Variants in PDZD8 observed in about 807,000 individuals in gnomAD.
PDZD8 encodes the protein PDZ domain containing 8, also known as PDZ domain-containing protein 8.
A neutral mutation model predicts 85.8 loss-of-function variants in PDZD8; 14 were observed. That is an observed-to-expected ratio of 0.16 (90% CI 0.11 to 0.26). The LOEUF is 0.26. PDZD8 is among the 10% of genes least tolerant of loss of function. The probability of loss-of-function intolerance (pLI) is 1.00; values close to 1 mark genes in which losing one functional copy is unlikely to be tolerated. For synonymous variants in PDZD8, 592 were observed against 568.6 expected, an observed-to-expected ratio of 1.04 and a Z score of -0.59; for missense variants, 1,197 against 1,424.3, an observed-to-expected ratio of 0.84 and a Z score of 2.57.
chr10:117,285,330 T>C lies in PDZD8; in HGVS notation c.1403A>G (p.Asn468Ser). 6.2e-7 allele frequency: 1 copy of C among 1,614,080 alleles called. No homozygotes were observed. Among genetic ancestry groups the C allele is most frequent in the Non-Finnish European group, 8.5e-7 (1 of 1,180,018 alleles). ...CGATTGGCATGAGCTTGACAAAAAG[T>C]TTTCTTCCAACTGGCCAAAGTTATC... is the stretch of plus-strand genomic sequence containing the variant. ...LQDNFGQLEE[N>S]FLSSSCQSGY... The change falls in exon 5 of 5, where the codon AAC (asparagine) becomes AGC (serine). Residue 468 changes from asparagine to serine, a missense_variant. Around this residue, in one of 4 missense-constraint regions of PDZD8, gnomAD observed 263 missense variants for 261.9 expected, o/e 1.00. Coordinates refer to ENST00000334464, the MANE Select transcript of PDZD8 (RefSeq NM_173791.5).
In PDZD8 at chr10:117,335,014, C is replaced by T. The variant is rs576108867; in HGVS notation, c.995+5966G>A. On this transcript the variant is annotated intron_variant, in intron 2 of 4. Coordinates refer to ENST00000334464, the MANE Select transcript of PDZD8 (RefSeq NM_173791.5). Reference sequence around the variant, plus strand: ...CCAAGCTCCCAAATTTGGTTGTAACCATTAATTCATATATCCAAGAAGCTA... The same window carrying T: ...CCAAGCTCCCAAATTTGGTTGTAACTATTAATTCATATATCCAAGAAGCTA... Among the ~76,000 whole-genome samples, 8 of 151,840 alleles carry T rather than the reference C, an allele frequency of 5.3e-5. No individual in the cohort carries two copies. In the South Asian group the frequency reaches 8.3e-4, roughly 16 times the overall value.
intron 2 of PDZD8, among the ~76,000 whole-genome samples, chr10:117,339,546 G>C (rs1844574619): frequency 6.6e-6 from 1 of 152,216 alleles, no homozygotes; most frequent in African/African-American, 2.4e-5. Context: ...TGTATAACCT[G>C]TGGGCTATCA....
intron 2 of PDZD8, among the ~76,000 whole-genome samples, chr10:117,325,123 C>T (rs1844292367): frequency 1.3e-5 from 2 of 152,088 alleles, no homozygotes; most frequent in Non-Finnish European, 2.9e-5. Context: ...ACACCTCTGT[C>T]ACCCCTCTCC....
intron 3 of PDZD8, among the ~76,000 whole-genome samples, chr10:117,304,177 G>A (rs1843893470): frequency 6.6e-6 from 1 of 152,184 alleles, no homozygotes. Flanking sequence ...TAAGACCATG[G>A]GAACCCACTT....
intron 1 of PDZD8, among the ~76,000 whole-genome samples, chr10:117,362,462 GA>G (rs1459534637): frequency 6.6e-6 from 1 of 151,914 alleles, no homozygotes; most frequent in Admixed American, 6.6e-5. Flanking sequence ...AATAAAACAG[GA>G]ATTCCTCATC....
chr10:117,286,075 A>G (rs754700363), intron 4 of PDZD8, among the ~76,000 whole-genome samples: 2 of 152,232 alleles, frequency 1.3e-5, no homozygotes, highest in Non-Finnish European at 2.9e-5. Context: ...GTAAGGGATA[A>G]ACTGCTTTAA....
chr10:117,368,335 A>G (rs906710096), intron 1 of PDZD8, among the ~76,000 whole-genome samples: 21 of 152,216 alleles, frequency 1.4e-4, no homozygotes, highest in African/African-American at 4.8e-4. Context: ...CTATTACAAG[A>G]TTATTCCAGC....
At chr10:117,314,974 G>A (rs978038642) in intron 3 of PDZD8, among the ~76,000 whole-genome samples, 13 of 152,116 alleles carry the variant, frequency 8.5e-5, no homozygotes, top group Admixed American at 6.5e-4. Flanking sequence ...GTACATAAAC[G>A]CTTGTTTCTA....
At chr10:117,335,623 G>A (rs913247270) in intron 2 of PDZD8, among the ~76,000 whole-genome samples, 5 of 152,072 alleles carry the variant, frequency 3.3e-5, no homozygotes, top group Non-Finnish European at 5.9e-5. Flanking sequence ...AGTAGGAGTG[G>A]GGGGAGACTA....
Position 117,375,071 on chromosome 10 carries a change from C to T in PDZD8, c.157G>A (p.Gly53Ser), listed in dbSNP as rs766173990. The T allele has an allele frequency of 3.7e-6, 6 of 1,600,750 alleles. No individual in the cohort carries two copies. In the African/African-American group the frequency reaches 8.0e-5, roughly 21 times the overall value. Residue 53 changes from glycine to serine, a missense_variant, in exon 1 of 5, where the codon GGC becomes AGC. Transcript: ENST00000334464. ...TAAAGGTACTCCCTTAGGAGCAGGC[C>T]CGGCACTGGCTTGATGTAGCGGAAG... ...EGFRYIKPVP[G>S]LLLREYLYGG... is the part of the protein sequence containing the mutation.
At chr10:117,362,113 C>T (rs1414237637) in intron 1 of PDZD8, among the ~76,000 whole-genome samples, 1 of 152,102 alleles carries the variant, frequency 6.6e-6, no homozygotes. Context: ...AAAACATCTT[C>T]TAAAGTACAT....
intron 1 of PDZD8, among the ~76,000 whole-genome samples, chr10:117,343,643 T>A (rs534998498): frequency 6.6e-6 from 1 of 152,332 alleles, no homozygotes; most frequent in South Asian, 2.1e-4. Context: ...AAATATAAAG[T>A]CAAAATTCAA....
chr10:117,373,604 CAA>C (rs796930758), intron 1 of PDZD8, among the ~76,000 whole-genome samples: 15,311 of 52,104 alleles, frequency 0.29, 966 homozygotes, highest in Middle Eastern at 0.35. Context: ...CTAAAAAATA[CAA>C]AAAAAAAAAA....
At chr10:117,337,836 G>A (rs1004207009) in intron 2 of PDZD8, among the ~76,000 whole-genome samples, 1 of 152,118 alleles carries the variant, frequency 6.6e-6, no homozygotes, top group African/African-American at 2.4e-5. Flanking sequence ...AAGGGCATAT[G>A]GCTAGATTGA....
chr10:117,332,611 A>C (rs1397960402), intron 2 of PDZD8, among the ~76,000 whole-genome samples: 1 of 146,080 alleles, frequency 6.8e-6, no homozygotes, highest in Admixed American at 7.2e-5. Context: ...GGTTCAGGTG[A>C]TTATCTTGCC....
At chr10:117,290,763 T>C (rs1001696787) in intron 3 of PDZD8, among the ~76,000 whole-genome samples, 1 of 151,872 alleles carries the variant, frequency 6.6e-6, no homozygotes, top group African/African-American at 2.4e-5. Flanking sequence ...ACAATTATAA[T>C]CATGAATATA....
intron 1 of PDZD8, among the ~76,000 whole-genome samples, chr10:117,358,569 TC>T (rs1844941339): frequency 6.6e-6 from 1 of 152,168 alleles, no homozygotes; most frequent in South Asian, 2.1e-4. Flanking sequence ...CCATCCCTTA[TC>T]TTTCTCTTCC....
At chr10:117,324,002 T>G (rs1379416285) in intron 2 of PDZD8, among the ~76,000 whole-genome samples, 3 of 150,716 alleles carry the variant, frequency 2.0e-5, no homozygotes, top group Admixed American at 2.0e-4. Flanking sequence ...CCAAGGAGGG[T>G]GGATCACTTG....
rs779882112 is a variant in PDZD8 at position 117,283,768 on chromosome 10, T to A, written c.2965A>T (p.Ser989Cys). 2.7e-5 allele frequency: 43 copies of A among 1,614,124 alleles called. No individual in the cohort carries two copies. The East Asian group carries it at 8.0e-4, about 30-fold the overall frequency. ...GTGCTGTTTCCCCGTTTAGAAGGAC[T>A]GTTTGGACCACAGACCTCCGTGTCA... ...GSDTEVCGPN[S>C]PSKRGNSTGI... Residue 989 changes from serine to cysteine, a missense_variant, in exon 5 of 5, where the codon AGT (serine) becomes TGT (cysteine). Around this residue, in one of 4 missense-constraint regions of PDZD8, gnomAD observed 418 missense variants for 571.1 expected, o/e 0.73. Transcript: ENST00000334464.
Sources: gnomAD v4.1 joint callset for allele counts (sites outside exome capture counted in the v4.1 genomes callset) on GRCh38, gnomAD v4.1.1 for gene constraint, gnomAD v4.1.1 regional missense constraint, MANE v1.5 for transcripts, NCBI Gene and HGNC (gene_info 2026-07-23, HGNC 2026-07-21) for gene names.